The following GPC6 variants were observed in gnomAD, a reference collection of about 807,000 sequenced individuals.
The protein encoded by GPC6 is glypican 6.
A neutral mutation model predicts 55.2 loss-of-function variants in GPC6; 14 were observed. That is an observed-to-expected ratio of 0.25 (90% CI 0.17 to 0.40). The LOEUF is 0.40. Ranked by LOEUF, GPC6 falls within the 10% of genes least tolerant of loss-of-function variation. The pLI is 1.00. For missense variants in GPC6, 641 were observed against 708.5 expected (o/e 0.90, Z 1.08); for synonymous variants, 278 against 259.6 (o/e 1.07, Z -0.68).
chr13:93,842,504 A>G (rs1374991302), intron 3 of GPC6, among the ~76,000 whole-genome samples: 1 of 152,134 alleles, frequency 6.6e-6, no homozygotes, highest in Non-Finnish European at 1.5e-5. Flanking sequence ...TTAGTGTGAT[A>G]GTACTTTCCC....
intron 4 of GPC6, among the ~76,000 whole-genome samples, chr13:94,122,259 G>T (rs148391192): frequency 1.3e-4 from 20 of 152,098 alleles, no homozygotes; most frequent in Non-Finnish European, 2.6e-4. Flanking sequence ...TGGGCACTTT[G>T]CAGGCTTTTC....
chr13:93,439,373 G>A (rs1877690623), intron 1 of GPC6, among the ~76,000 whole-genome samples: 1 of 152,076 alleles, frequency 6.6e-6, no homozygotes, highest in African/African-American at 2.4e-5. Flanking sequence ...GTTCTCATGT[G>A]CTGTTCTCAT....
At chr13:93,577,639 G>A (rs777780171) in intron 2 of GPC6, among the ~76,000 whole-genome samples, 2 of 151,914 alleles carry the variant, frequency 1.3e-5, no homozygotes, top group Non-Finnish European at 2.9e-5. Context: ...AGGTCGTGTC[G>A]TTTGCATACA....
At chr13:93,469,612 A>G (rs1489647802) in intron 1 of GPC6, among the ~76,000 whole-genome samples, 4 of 152,144 alleles carry the variant, frequency 2.6e-5, no homozygotes, top group Non-Finnish European at 5.9e-5. Context: ...GTTTGGACTC[A>G]TCAGCACCAA....
intron 2 of GPC6, 35 bp downstream of exon 2, chr13:93,545,456 G>T: frequency 1.3e-6 from 2 of 1,566,772 alleles, no homozygotes; most frequent in South Asian, 1.1e-5. Context: ...GTTTGTTATA[G>T]GTGCACTTTT....
chr13:93,394,458 G>A (rs1875768213), intron 1 of GPC6, among the ~76,000 whole-genome samples: 1 of 152,186 alleles, frequency 6.6e-6, no homozygotes, highest in African/African-American at 2.4e-5. Context: ...AAACAATGTT[G>A]CTCTAAGAAT....
intron 1 of GPC6, among the ~76,000 whole-genome samples, chr13:93,326,458 A>ACACG (rs200078062): frequency 1.3e-5 from 2 of 152,064 alleles, no homozygotes; most frequent in East Asian, 1.9e-4. Flanking sequence ...ACGCACACGC[A>ACACG]CACACACACA....
At chr13:94,292,911 C>T (rs78293684) in intron 5 of GPC6, among the ~76,000 whole-genome samples, 1,700 of 152,200 alleles carry the variant, frequency 0.011, 37 homozygotes, top group African/African-American at 0.037. Context: ...AGGGATGAGG[C>T]GCATTGAGAT....
At chr13:93,730,198 T>G (rs1255210046) in intron 2 of GPC6, among the ~76,000 whole-genome samples, 2 of 152,160 alleles carry the variant, frequency 1.3e-5, no homozygotes, top group Non-Finnish European at 2.9e-5. Context: ...ACATCAACTT[T>G]CTCTGATTTC....
At chr13:94,319,437 A>T (rs946580972) in intron 6 of GPC6, among the ~76,000 whole-genome samples, 4 of 152,210 alleles carry the variant, frequency 2.6e-5, no homozygotes, top group Non-Finnish European at 4.4e-5. Flanking sequence ...TGTGTTTTAC[A>T]CAAAACAAAA....
intron 3 of GPC6, among the ~76,000 whole-genome samples, chr13:94,022,534 C>A (rs1196370222): frequency 6.6e-6 from 1 of 152,030 alleles, no homozygotes; most frequent in Non-Finnish European, 1.5e-5. Flanking sequence ...GTGAATAAAG[C>A]TGCAATAAAC....
intron 6 of GPC6, among the ~76,000 whole-genome samples, chr13:94,309,494 C>T (rs1447018988): frequency 6.6e-6 from 1 of 151,836 alleles, no homozygotes; most frequent in Non-Finnish European, 1.5e-5. Context: ...AAAAATACAC[C>T]AGTTCCATCA....
chr13:94,095,412 A>G (rs529996169), intron 4 of GPC6, among the ~76,000 whole-genome samples: 1 of 152,196 alleles, frequency 6.6e-6, no homozygotes, highest in Non-Finnish European at 1.5e-5. Flanking sequence ...GAAATGTAAA[A>G]GAAGTAAGTT....
rs371618651 is a variant in GPC6, at chr13:93,735,316, C to T, written c.320-94838C>T. Among the ~76,000 whole-genome samples the T allele has an allele frequency of 5.3e-5, 8 of 152,102 alleles. No individual in the cohort carries two copies. In the East Asian group the frequency reaches 5.8e-4, roughly 11 times the overall value. On this transcript the variant is annotated intron_variant, in intron 2 of 8. Coordinates refer to ENST00000377047, the MANE Select transcript of GPC6 (RefSeq NM_005708.5). ...TTGGGAGGCCGAGGTGGGTGGATCA[C>T]GAGGTCAGGAGTTCGAGACCAGCCT...
intron 2 of GPC6, among the ~76,000 whole-genome samples, chr13:93,676,862 T>A (rs1050373290): frequency 1.3e-5 from 2 of 151,932 alleles, no homozygotes; most frequent in Non-Finnish European, 2.9e-5. Context: ...TTTGATAGAA[T>A]GGGATGGTCT....
intron 1 of GPC6, among the ~76,000 whole-genome samples, chr13:93,398,596 T>A (rs1304937225): frequency 6.6e-6 from 1 of 152,122 alleles, no homozygotes; most frequent in African/African-American, 2.4e-5. Context: ...TATGACATTA[T>A]ATTAGGGTAT....
At chr13:93,914,214 C>A (rs948423939) in intron 3 of GPC6, among the ~76,000 whole-genome samples, 3 of 152,106 alleles carry the variant, frequency 2.0e-5, no homozygotes, top group African/African-American at 7.2e-5. Context: ...TATCCCTCCC[C>A]CCTCTCCCCA....
intron 3 of GPC6, among the ~76,000 whole-genome samples, chr13:93,855,206 G>A (rs987545985): frequency 4.6e-5 from 7 of 151,436 alleles, no homozygotes; most frequent in African/African-American, 1.7e-4. Flanking sequence ...CTAATCCCTG[G>A]CAATAACTGA....
chr13:93,853,857 G>A (rs1439263022), intron 3 of GPC6, among the ~76,000 whole-genome samples: 2 of 151,460 alleles, frequency 1.3e-5, no homozygotes, highest in African/African-American at 4.8e-5. Context: ...TACTATATAT[G>A]AACACTATTA....
Sources: allele counts gnomAD v4.1 joint callset (sites outside exome capture counted in the v4.1 genomes callset), GRCh38; gene constraint gnomAD v4.1.1; transcripts MANE v1.5; gene names NCBI Gene and HGNC (gene_info 2026-07-23, HGNC 2026-07-21).